Variants in NCBP1 observed in about 807,000 individuals in gnomAD.
NCBP1 encodes the protein nuclear cap-binding protein subunit 1.
A neutral mutation model predicts 111.7 loss-of-function variants in NCBP1; 16 were observed. That is an observed-to-expected ratio of 0.14 (90% CI 0.10 to 0.22). NCBP1 has a LOEUF of 0.22. Among genes scored for constraint, NCBP1 ranks in the 10% least tolerant of loss-of-function variants. The pLI is 1.00. For synonymous variants in NCBP1, 304 were observed against 314.3 expected (o/e 0.97, Z 0.35); for missense variants, 607 against 957.5 (o/e 0.63, Z 4.83).
chr9:97,668,758 CCAGA>C (rs750668628), intron 20 of NCBP1, 84 bp from the exon 21 acceptor site: 25 of 1,418,608 alleles, frequency 1.8e-5, no homozygotes, highest in Non-Finnish European at 2.4e-5. Flanking sequence ...TAACATTTGG[CCAGA>C]CACAGTAAAA....
At position 97,641,033 on chromosome 9, in the gene NCBP1, C is replaced by T. The variant is rs1827191580; in HGVS notation, c.123+151C>T. 2.3e-5 allele frequency: 13 copies of T among 573,224 alleles called. No individual in the cohort carries two copies. The South Asian group carries it at 2.9e-4, about 13-fold the overall frequency. The allele number at this position is 573,224 out of a possible 1,614,324, so 35.5% of individuals were successfully genotyped here. ...TCCCAAATTGAATCCATGTTGAAGC[C>T]CCTGGGATGTAGATAATTGATCATT... On this transcript the variant is annotated intron_variant, in intron 2 of 22. Coordinates refer to ENST00000375147, the MANE Select transcript of NCBP1 (RefSeq NM_002486.5).
At chr9:97,637,962 G>C (rs774172639) in intron 1 of NCBP1, among the ~76,000 whole-genome samples, 1 of 152,152 alleles carries the variant, frequency 6.6e-6, no homozygotes, top group African/African-American at 2.4e-5. Flanking sequence ...TCTGAGTGAA[G>C]TGGTAATGTT....
intron 1 of NCBP1, 86 bp from the exon 2 acceptor site, chr9:97,640,708 A>AAAGAGATTAT (rs1827184290): frequency 1.9e-6 from 2 of 1,053,068 alleles, no homozygotes; most frequent in Admixed American, 4.6e-5. Flanking sequence ...GCCTGGTAGA[A>AAAGAGATTAT]AAGAGATTAT....
chr9:97,652,239 T>G (rs548094283), intron 10 of NCBP1, among the ~76,000 whole-genome samples: 1 of 152,316 alleles, frequency 6.6e-6, no homozygotes, highest in South Asian at 2.1e-4. Context: ...CCTGACCTCG[T>G]GATCTGCCTG....
chr9:97,665,025 C>T (rs969183046), intron 19 of NCBP1, among the ~76,000 whole-genome samples: 14 of 152,180 alleles, frequency 9.2e-5, no homozygotes, highest in Admixed American at 6.5e-4. Flanking sequence ...ATGAAGTTCA[C>T]GGACTTTACA....
chr9:97,643,368 A>T lies in NCBP1; in HGVS notation c.381+8A>T, dbSNP rs111735395. The stretch of plus-strand genomic sequence containing the variant: ...AATGAAGCCGTGTATTTGGTAAGTT[A>T]GTTTGTTTGTTGGTATGTTATGACT... On this transcript the variant is annotated splice_region_variant and intron_variant, in intron 4 of 22. Coordinates refer to ENST00000375147, the MANE Select transcript of NCBP1 (RefSeq NM_002486.5). The T allele has an allele frequency of 3.4e-5, 54 of 1,586,084 alleles. No homozygotes were observed. The African/African-American group carries it at 5.2e-4, about 15-fold the overall frequency.
chr9:97,661,052 C>A lies in NCBP1; in HGVS notation c.1584C>A (p.Asn528Lys). Residue 528 changes from asparagine (N) to lysine (K), a missense_variant, in exon 16 of 23, where the codon AAC becomes AAA. Asn to Lys is a moderately conservative substitution (Grantham distance 94). This residue lies in a region of NCBP1 where 282 missense variants were observed against 376.5 expected (regional missense o/e 0.75). Coordinates refer to ENST00000375147, the MANE Select transcript of NCBP1 (RefSeq NM_002486.5). ...FSILKDVPNP[N>K]QDDDDDEGFS... ...TTCTGAAAGATGTACCAAATCCTAA[C>A]CAGGATGATGACGACGGTAAGTGGA... is the stretch of plus-strand genomic sequence containing the variant. 3.1e-6 allele frequency: 5 copies of A among 1,612,446 alleles called. 1 individual carries two copies. The highest frequency in any genetic ancestry group is 8.5e-7 in the Non-Finnish European group (1 of 1,179,666).
intron 21 of NCBP1, 36 bp downstream of exon 21, chr9:97,669,010 A>T (rs1188143435): frequency 1.3e-6 from 2 of 1,547,022 alleles, no homozygotes; most frequent in Non-Finnish European, 1.8e-6. Context: ...ATAAAAGGAA[A>T]CAATACATTT....
intron 1 of NCBP1, among the ~76,000 whole-genome samples, chr9:97,636,498 ATATTTATATATTATAAATT>A (rs1460013680): frequency 6.5e-5 from 2 of 30,560 alleles, no homozygotes; most frequent in Admixed American, 3.3e-4. Flanking sequence ...ATATAAATTT[ATATTTATATATTATAAATT>A]TATATTTATA....
intron 20 of NCBP1, among the ~76,000 whole-genome samples, chr9:97,667,293 C>G (rs1828036421): frequency 6.6e-6 from 1 of 152,122 alleles, no homozygotes; most frequent in Non-Finnish European, 1.5e-5. Context: ...TAACGGAATA[C>G]TTCTCATAGT....
In NCBP1 at chr9:97,663,049, TA is replaced by T. The variant is rs1827884937; in HGVS notation, c.1797+7del. On this transcript the variant is annotated splice_donor_region_variant and intron_variant, in intron 18 of 22. Coordinates refer to ENST00000375147, the MANE Select transcript of NCBP1 (RefSeq NM_002486.5). ...GAGGTCTGGAGGAACCATCCACAGG[TA>T]AAAATTATTTAATTAGACATGTTGA... 6.3e-7 allele frequency: 1 copy of T among 1,597,530 alleles called. No homozygotes were observed. Among genetic ancestry groups the T allele is most frequent in the South Asian group, 1.1e-5 (1 of 89,218 alleles).
At chr9:97,660,212 T>C (rs1372297221) in intron 15 of NCBP1, among the ~76,000 whole-genome samples, 1 of 152,200 alleles carries the variant, frequency 6.6e-6, no homozygotes, top group East Asian at 1.9e-4. Flanking sequence ...ATGACTGTTG[T>C]AATTTACTTT....
intron 1 of NCBP1, among the ~76,000 whole-genome samples, chr9:97,637,306 A>G (rs1401888310): frequency 6.6e-6 from 1 of 152,246 alleles, no homozygotes; most frequent in African/African-American, 2.4e-5. Context: ...CCAGTGCTAA[A>G]TCTTAACTAA....
At position 97,673,174 on chromosome 9, in the gene NCBP1, T is replaced by C. The variant is rs1467633972; in HGVS notation, c.*1975T>C. On this transcript the variant is annotated 3_prime_UTR_variant, in exon 23 of 23. Transcript: ENST00000375147. ...GCATATAACATACAAAATGAGTTTA[T>C]CAACTGTTTGTTATTGGTAAGTCAG... 1 of 152,144 alleles carries C rather than the reference T, an allele frequency of 6.6e-6. No homozygotes were observed. Among genetic ancestry groups the C allele is most frequent in the African/African-American group, 2.4e-5 (1 of 41,394 alleles). 9.4% of individuals were successfully genotyped at this position (152,144 alleles called of 1,614,324 possible).
chr9:97,661,188 G>T, intron 16 of NCBP1, 120 bp downstream of exon 16: 1 of 1,262,968 alleles, frequency 7.9e-7, no homozygotes, highest in Admixed American at 2.6e-5. Flanking sequence ...GACCTGTTCA[G>T]ACTGTTGTTC....
intron 1 of NCBP1, 48 bp from the exon 2 acceptor site, chr9:97,640,746 G>T: frequency 7.1e-7 from 1 of 1,417,330 alleles, no homozygotes; most frequent in Non-Finnish European, 9.8e-7. Flanking sequence ...TAAAATTTGT[G>T]ATAGCAGATT....
intron 16 of NCBP1, 34 bp downstream of exon 16, chr9:97,661,102 A>G (rs771054644): frequency 6.2e-6 from 10 of 1,608,014 alleles, no homozygotes; most frequent in African/African-American, 5.3e-5. Context: ...AAGTGGAACT[A>G]TGTATAGGCC....
Position 97,661,041 on chromosome 9 carries a change from C to A in NCBP1, c.1573C>A (p.Pro525Thr). The A allele has an allele frequency of 6.2e-7, 1 of 1,612,790 alleles. No homozygotes were observed. Among genetic ancestry groups the A allele is most frequent in the Non-Finnish European group, 8.5e-7 (1 of 1,179,750 alleles). Residue 525 changes from proline (P) to threonine (T), a missense_variant, in exon 16 of 23, where the codon CCA (proline) becomes ACA (threonine). Coordinates refer to ENST00000375147, the MANE Select transcript of NCBP1 (RefSeq NM_002486.5). ...AATCTTCAGCATTCTGAAAGATGTACCAAATCCTAACCAGGATGATGACGA... is the reference window on the plus strand; with the variant it reads ...AATCTTCAGCATTCTGAAAGATGTAACAAATCCTAACCAGGATGATGACGA... The part of the protein sequence containing the change: ...DEIFSILKDV[P>T]NPNQDDDDDE...
At chr9:97,646,888 C>T (rs959706500) in intron 6 of NCBP1, among the ~76,000 whole-genome samples, 2 of 145,984 alleles carry the variant, frequency 1.4e-5, no homozygotes, top group Non-Finnish European at 3.0e-5. Flanking sequence ...GTATACATAT[C>T]CTTTCTCTTT....
Sources: allele counts gnomAD v4.1 joint callset (sites outside exome capture counted in the v4.1 genomes callset), GRCh38; gene constraint gnomAD v4.1.1; regional missense constraint gnomAD v4.1.1; transcripts MANE v1.5; gene names NCBI Gene and HGNC (gene_info 2026-07-23, HGNC 2026-07-21).